The following INSR variants were observed in gnomAD, a reference collection of about 807,000 sequenced individuals.
INSR encodes the protein insulin receptor, also known as IR.
INSR carries 67 observed loss-of-function variants against 142.6 expected under a neutral mutation model. The ratio of observed to expected loss-of-function variants is 0.47; its 90% CI spans 0.39 to 0.58. The LOEUF is 0.58. Among genes scored for constraint, INSR ranks in the 20% least tolerant of loss-of-function variants. The pLI, the probability that INSR is intolerant of heterozygous loss-of-function variation, is 0.00. For missense variants in INSR, 1,248 were observed against 1,833.2 expected (o/e 0.68, Z 5.83); for synonymous variants, 756 against 743.1 (o/e 1.02, Z -0.28).
chr19:7,162,966 G>A (rs1973795292), intron 9 of INSR, 66 bp downstream of exon 9: 4 of 1,545,084 alleles, frequency 2.6e-6, no homozygotes, highest in Middle Eastern at 4.6e-4. Context: ...CCCTAGAGGT[G>A]AAGCAAAGTG....
intron 2 of INSR, among the ~76,000 whole-genome samples, chr19:7,214,905 C>G (rs1173975124): frequency 7.2e-6 from 1 of 139,858 alleles, no homozygotes; most frequent in African/African-American, 2.6e-5. Context: ...CCTTTTTTTT[C>G]CTTCCTTCCT....
intron 2 of INSR, among the ~76,000 whole-genome samples, chr19:7,259,440 T>C (rs1183629258): frequency 6.6e-6 from 1 of 152,148 alleles, no homozygotes; most frequent in Non-Finnish European, 1.5e-5. Context: ...GTTGGGAAGA[T>C]GGGATGCAAT....
At chr19:7,131,985 C>CA (rs148055651) in intron 14 of INSR, among the ~76,000 whole-genome samples, 173 bp downstream of exon 14, 180 of 140,520 alleles carry the variant, frequency 1.3e-3, no homozygotes, top group Middle Eastern at 3.6e-3. Flanking sequence ...GCCTCCATCT[C>CA]AAAAAAAAAA....
chr19:7,152,363 A>ATAT (rs1973387980), intron 10 of INSR: 1 of 332,996 alleles, frequency 3.0e-6, no homozygotes, highest in Non-Finnish European at 5.7e-6. Flanking sequence ...CCTGGACGAT[A>ATAT]GAGTGAGACT....
intron 2 of INSR, among the ~76,000 whole-genome samples, chr19:7,244,532 C>CAAAAAAAAAA (rs367586146): frequency 0.15 from 21,041 of 143,244 alleles, 1,469 homozygotes; most frequent in Non-Finnish European, 0.18. Context: ...GACTCTGTCT[C>CAAAAAAAAAA]AAAAAGAAAA....
intron 5 of INSR, among the ~76,000 whole-genome samples, chr19:7,171,954 C>T (rs1479303461): frequency 2.7e-5 from 4 of 150,590 alleles, no homozygotes; most frequent in Non-Finnish European, 4.4e-5. Context: ...CTCTGTCACC[C>T]AGGCTGGAGT....
At chr19:7,206,883 C>T (rs1438772824) in intron 2 of INSR, among the ~76,000 whole-genome samples, 1 of 152,134 alleles carries the variant, frequency 6.6e-6, no homozygotes, top group Non-Finnish European at 1.5e-5. Flanking sequence ...ATCTAAATCC[C>T]CTTTGAAACT....
chr19:7,133,535 C>T (rs911098233), intron 13 of INSR, among the ~76,000 whole-genome samples: 4 of 152,170 alleles, frequency 2.6e-5, no homozygotes, highest in African/African-American at 4.8e-5. Context: ...CTTTGGTTCA[C>T]GTCTCTCCTT....
At chr19:7,222,696 C>T (rs141932235) in intron 2 of INSR, among the ~76,000 whole-genome samples, 5 of 152,148 alleles carry the variant, frequency 3.3e-5, no homozygotes, top group Middle Eastern at 3.4e-3. Flanking sequence ...TCCAGCCTGG[C>T]TTCCCTATTT....
At chr19:7,293,185 GT>G (rs1399504356) in intron 1 of INSR, among the ~76,000 whole-genome samples, 1 of 152,164 alleles carries the variant, frequency 6.6e-6, no homozygotes, top group Non-Finnish European at 1.5e-5. Flanking sequence ...AATTGCTGCT[GT>G]TGCTAAGGCT....
At chr19:7,269,001 C>T (rs926084565) in intron 1 of INSR, among the ~76,000 whole-genome samples, 1 of 149,636 alleles carries the variant, frequency 6.7e-6, no homozygotes, top group Non-Finnish European at 1.5e-5. Flanking sequence ...AAATTGAAGT[C>T]TTTAGATGGC....
At chr19:7,265,733 C>A (rs1192803265) in intron 2 of INSR, among the ~76,000 whole-genome samples, 1 of 85,416 alleles carries the variant, frequency 1.2e-5, no homozygotes, top group African/African-American at 5.3e-5. Context: ...GAAACTCCAT[C>A]TCAAAAAAAA....
At chr19:7,170,241 C>A (rs912167738) in intron 6 of INSR, among the ~76,000 whole-genome samples, 1 of 151,670 alleles carries the variant, frequency 6.6e-6, no homozygotes, top group African/African-American at 2.4e-5. Flanking sequence ...CTAGACTGCA[C>A]ACTCCTTATG....
chr19:7,125,231 G>A lies in INSR; in HGVS notation c.3258+52C>T. ...GCTCTGTGCAGGAGGAGGAGGCAGA[G>A]AAAGGGAAGGGTCAGGAAAGCCAGC... On this transcript the variant is annotated intron_variant, in intron 17 of 21. Coordinates refer to ENST00000302850, the MANE Select transcript of INSR (RefSeq NM_000208.4). The surrounding 1 kb of genome is among the most constrained non-coding windows in gnomAD (Gnocchi z 4.9). The A allele has an allele frequency of 1.2e-6, 2 of 1,611,162 alleles. No homozygotes were observed. Among genetic ancestry groups the A allele is most frequent in the Non-Finnish European group, 1.7e-6 (2 of 1,179,040 alleles).
rs1423019313 is a variant in INSR at position 7,115,309 on chromosome 19, A to T, written c.*1747T>A. ...CTGTGGTGGTTCTTTTTGCAAAGAG[A>T]AGAAACGGTGGATTCACGCCCATTC... On this transcript the variant is annotated 3_prime_UTR_variant, in exon 22 of 22. Coordinates refer to ENST00000302850, the MANE Select transcript of INSR (RefSeq NM_000208.4). The T allele has an allele frequency of 1.3e-5, 2 of 152,156 alleles. No homozygotes were observed. Among genetic ancestry groups the T allele is most frequent in the Non-Finnish European group, 2.9e-5 (2 of 68,034 alleles). 9.4% of individuals were successfully genotyped at this position (152,156 alleles called of 1,614,324 possible).
At chr19:7,171,725 C>T (rs8110518) in intron 5 of INSR, among the ~76,000 whole-genome samples, 42,218 of 151,912 alleles carry the variant, frequency 0.28, 7,990 homozygotes, top group African/African-American at 0.54. Context: ...AGGATGGGCA[C>T]CAAGGTTGGG....
rs1307457201 is a variant in INSR at position 7,115,619 on chromosome 19, CTTGGGT to C, written c.*1431_*1436del. On this transcript the variant is annotated 3_prime_UTR_variant, in exon 22 of 22. Coordinates refer to ENST00000302850, the MANE Select transcript of INSR (RefSeq NM_000208.4). ...TTGTTGTGCTTTGGGATCTGACGTT[CTTGGGT>C]TTGCACAATAACGGTTAGGATGTTC... The C allele has an allele frequency of 6.8e-6, 1 of 146,788 alleles. No homozygotes were observed. The highest frequency in any genetic ancestry group is 2.6e-5 in the African/African-American group (1 of 38,894). The allele number at this position is 146,788 out of a possible 1,614,324, so 9.1% of individuals were successfully genotyped here. A position where few individuals can be genotyped will look rare whatever the true frequency, so the allele number is the denominator to read the frequency against.
In INSR at chr19:7,166,142, A is replaced by G. The variant is rs370173454; in HGVS notation, c.1861+12T>C. ...ATTCACATACGAATTCACATTCCCA[A>G]GACACACTCACTGGTGGCATCTGTC... On this transcript the variant is annotated intron_variant, in intron 8 of 21. Transcript: ENST00000302850. The surrounding 1 kb of genome is among the most constrained non-coding windows in gnomAD (Gnocchi z 4.1). The G allele has an allele frequency of 6.2e-7, 1 of 1,613,972 alleles. No homozygotes were observed. Among genetic ancestry groups the G allele is most frequent in the African/African-American group, 1.3e-5 (1 of 74,900 alleles).
intron 2 of INSR, among the ~76,000 whole-genome samples, chr19:7,197,198 C>A (rs1974773046): frequency 6.6e-6 from 1 of 152,238 alleles, no homozygotes; most frequent in South Asian, 2.1e-4. Context: ...CACGCGATGA[C>A]GCCTTTGGAA....
Sources: gnomAD v4.1 joint callset for allele counts (sites outside exome capture counted in the v4.1 genomes callset) on GRCh38, gnomAD v4.1.1 for gene constraint, Gnocchi (gnomAD v3.1) non-coding constraint, MANE v1.5 for transcripts, NCBI Gene and HGNC (gene_info 2026-07-23, HGNC 2026-07-21) for gene names.